Variants in KCNIP1 observed in about 807,000 individuals in gnomAD.
KCNIP1 encodes potassium voltage-gated channel interacting protein 1.
In KCNIP1, 18 loss-of-function variants were observed where a neutral mutation model predicts 33.0. The ratio of observed to expected loss-of-function variants is 0.55; its 90% CI spans 0.38 to 0.81. The LOEUF (loss-of-function observed/expected upper bound fraction) is 0.81. Among genes scored for constraint, KCNIP1 ranks in the 30% least tolerant of loss-of-function variants. KCNIP1 has a pLI of 0.00. For missense variants in KCNIP1, 238 were observed against 271.6 expected (o/e 0.88, Z 0.87); for synonymous variants, 93 against 98.3 (o/e 0.95, Z 0.32).
Position 170,643,141 on chromosome 5 carries a change from G to A in KCNIP1, c.62-75617G>A, listed in dbSNP as rs1760643471. On this transcript the variant is annotated intron_variant, in intron 1 of 7. Transcript: ENST00000328939. ...ACAGAGATTTTGCTACAGAAGAGGG[G>A]GAAACATGATGATGAGTCAGAGGCT... Among the ~76,000 whole-genome samples, 3 of 152,314 alleles carry A rather than the reference G, an allele frequency of 2.0e-5. No homozygotes were observed. The South Asian group carries it at 6.2e-4, about 32-fold the overall frequency.
At chr5:170,600,819 C>T (rs972237309) in intron 1 of KCNIP1, among the ~76,000 whole-genome samples, 3 of 152,288 alleles carry the variant, frequency 2.0e-5, no homozygotes, top group South Asian at 2.1e-4. Flanking sequence ...CAAGCTAGCC[C>T]GCTGCTCCTC....
intron 1 of KCNIP1, among the ~76,000 whole-genome samples, chr5:170,408,839 G>T (rs963717716): frequency 6.6e-6 from 1 of 152,300 alleles, no homozygotes; most frequent in African/African-American, 2.4e-5. Context: ...TCAGTCAGGC[G>T]GTGGGTCTTT....
chr5:170,732,700 C>A, intron 5 of KCNIP1, 100 bp from the exon 6 acceptor site: 1 of 739,466 alleles, frequency 1.4e-6, no homozygotes, highest in Non-Finnish European at 2.4e-6. Flanking sequence ...CTTTTAATCA[C>A]TTTCATTGCC....
chr5:170,498,283 G>T (rs748708002), intron 1 of KCNIP1, among the ~76,000 whole-genome samples: 2 of 152,204 alleles, frequency 1.3e-5, no homozygotes, highest in East Asian at 3.9e-4. Context: ...GACCTCCAAC[G>T]ACATTGCTGA....
At chr5:170,406,818 A>G (rs1045349889) in intron 1 of KCNIP1, among the ~76,000 whole-genome samples, 1 of 152,158 alleles carries the variant, frequency 6.6e-6, no homozygotes, top group African/African-American at 2.4e-5. Flanking sequence ...TTCCGCATTC[A>G]TGAGGTCCAA....
chr5:170,661,450 C>T (rs1761481794), intron 1 of KCNIP1, among the ~76,000 whole-genome samples: 1 of 152,196 alleles, frequency 6.6e-6, no homozygotes, highest in East Asian at 1.9e-4. Flanking sequence ...TTGCCAACTC[C>T]ACAATTCTAG....
intron 1 of KCNIP1, among the ~76,000 whole-genome samples, chr5:170,713,238 G>A (rs1763520955): frequency 6.6e-6 from 1 of 152,128 alleles, no homozygotes; most frequent in Admixed American, 6.6e-5. Flanking sequence ...CATATACTGA[G>A]GCAGTTTTTC....
At chr5:170,449,346 C>T (rs1756191565) in intron 1 of KCNIP1, among the ~76,000 whole-genome samples, 1 of 152,218 alleles carries the variant, frequency 6.6e-6, no homozygotes, top group Non-Finnish European at 1.5e-5. Context: ...CCTCAACTTC[C>T]AAACTGTGCT....
At chr5:170,440,333 A>G (rs7714366) in intron 1 of KCNIP1, among the ~76,000 whole-genome samples, 35,471 of 152,184 alleles carry the variant, frequency 0.23, 4,237 homozygotes, top group Non-Finnish European at 0.25. Flanking sequence ...ACCTAAACAG[A>G]AAAGTGTGAT....
chr5:170,395,819 G>A (rs1295683452), intron 1 of KCNIP1, among the ~76,000 whole-genome samples: 1 of 152,210 alleles, frequency 6.6e-6, no homozygotes, highest in Non-Finnish European at 1.5e-5. Context: ...TACGAAGAGG[G>A]TGTTTCCACT....
chr5:170,421,913 A>G (rs1755503659), intron 1 of KCNIP1: 1 of 152,214 alleles, frequency 6.6e-6, no homozygotes, highest in Admixed American at 6.5e-5. Context: ...CCCACATTTG[A>G]AGGGGAGTTT....
At chr5:170,549,548 C>A (rs531215958) in intron 1 of KCNIP1, among the ~76,000 whole-genome samples, 1 of 152,176 alleles carries the variant, frequency 6.6e-6, no homozygotes, top group Non-Finnish European at 1.5e-5. Context: ...TTAAGGAAAT[C>A]TGGGATGATG....
At chr5:170,596,532 T>C (rs1758445746) in intron 1 of KCNIP1, among the ~76,000 whole-genome samples, 1 of 152,090 alleles carries the variant, frequency 6.6e-6, no homozygotes, top group African/African-American at 2.4e-5. Flanking sequence ...AATGGCACAA[T>C]AGAGGAAACA....
intron 1 of KCNIP1, chr5:170,383,613 G>A (rs759468702): frequency 6.4e-7 from 1 of 1,571,710 alleles, no homozygotes; most frequent in Non-Finnish European, 8.7e-7. Context: ...GACAGGGACA[G>A]TTAGGAACAG....
In KCNIP1 at chr5:170,385,523, C is replaced by T. The variant is rs200683050; in HGVS notation, c.88+31559C>T. ...GAGATCAGCCCAGTTCACAGGTGAT[C>T]CACAGAAAGAGAGGACAGGTGAGAG... On this transcript the variant is annotated intron_variant, in intron 1 of 7. Transcript: ENST00000377360. 44 of 1,548,910 alleles carry T rather than the reference C, an allele frequency of 2.8e-5. No individual in the cohort carries two copies. In the East Asian group the frequency reaches 8.8e-4, roughly 31 times the overall value.
chr5:170,491,916 T>C (rs12234083), intron 1 of KCNIP1, among the ~76,000 whole-genome samples: 23,087 of 152,198 alleles, frequency 0.15, 1,821 homozygotes, highest in East Asian at 0.3. Flanking sequence ...GCCCTCTGAC[T>C]TCCAGTAGTA....
intron 1 of KCNIP1, chr5:170,642,151 G>C (rs543538806): frequency 6.6e-6 from 1 of 152,404 alleles, no homozygotes; most frequent in African/African-American, 2.4e-5. Context: ...GGGTCCTGAG[G>C]CACCCGCTAG....
At chr5:170,570,203 C>A (rs1047493805) in intron 1 of KCNIP1, among the ~76,000 whole-genome samples, 3 of 152,156 alleles carry the variant, frequency 2.0e-5, no homozygotes, top group Non-Finnish European at 2.9e-5. Flanking sequence ...TTATAAAATC[C>A]TTAGGGAAAT....
At chr5:170,506,565 G>A (rs1309099210) in intron 1 of KCNIP1, among the ~76,000 whole-genome samples, 1 of 152,116 alleles carries the variant, frequency 6.6e-6, no homozygotes, top group East Asian at 1.9e-4. Context: ...ATGAATTCCT[G>A]CAGGATTCCC....
Sources: allele counts gnomAD v4.1 joint callset (sites outside exome capture counted in the v4.1 genomes callset), GRCh38; gene constraint gnomAD v4.1.1; transcripts MANE v1.5; gene names NCBI Gene and HGNC (gene_info 2026-07-23, HGNC 2026-07-21).